CDYL: variants seen among roughly 807,000 people sequenced by gnomAD.
CDYL encodes the protein chromodomain Y-like protein.
In CDYL, 8 loss-of-function variants were observed where a neutral mutation model predicts 47.3. The observed-to-expected ratio is 0.17, with a 90% CI of 0.10 to 0.31. CDYL has a LOEUF of 0.31. CDYL is among the 10% of genes least tolerant of loss of function. CDYL has a pLI of 1.00. For synonymous variants in CDYL, 266 were observed against 265.0 expected, an observed-to-expected ratio of 1.00 and a Z score of -0.04; for missense variants, 471 against 701.4, an observed-to-expected ratio of 0.67 and a Z score of 3.71.
intron 1 of CDYL, among the ~76,000 whole-genome samples, chr6:4,777,685 G>T (rs1278731424): frequency 6.6e-6 from 1 of 152,162 alleles, no homozygotes; most frequent in East Asian, 1.9e-4. Context: ...TCACCTTTAT[G>T]ATGCGTTTAG....
intron 1 of CDYL, among the ~76,000 whole-genome samples, chr6:4,837,430 C>G (rs1042356421): frequency 6.7e-6 from 1 of 150,092 alleles, no homozygotes; most frequent in Non-Finnish European, 1.5e-5. Context: ...CTGTACATTA[C>G]AAAAATTAGT....
chr6:4,769,865 C>T (rs374589004), intron 3 of CDYL, among the ~76,000 whole-genome samples: 4 of 152,118 alleles, frequency 2.6e-5, no homozygotes, highest in South Asian at 2.1e-4. Flanking sequence ...GGCGCGATCT[C>T]GGCTCACTGC....
chr6:4,894,849 GTGTGTGTATA>G (rs1354436035), intron 2 of CDYL, among the ~76,000 whole-genome samples: 3 of 105,024 alleles, frequency 2.9e-5, no homozygotes, highest in African/African-American at 1.3e-4. Context: ...GTGTGTGTGT[GTGTGTGTATA>G]TGTGTATATA....
chr6:4,788,060 C>T (rs889824995), intron 1 of CDYL, among the ~76,000 whole-genome samples: 37 of 152,124 alleles, frequency 2.4e-4, no homozygotes, highest in African/African-American at 8.4e-4. Context: ...GTGTGAGCCA[C>T]CGCACCTGGT....
intron 1 of CDYL, among the ~76,000 whole-genome samples, chr6:4,860,947 T>A (rs808608): frequency 0.13 from 19,505 of 152,062 alleles, 1,505 homozygotes; most frequent in African/African-American, 0.21. Flanking sequence ...CTCAAATGTT[T>A]ATCTGTTTTG....
chr6:4,766,507 G>A (rs1044967557), intron 3 of CDYL, among the ~76,000 whole-genome samples: 14 of 151,910 alleles, frequency 9.2e-5, no homozygotes, highest in South Asian at 4.2e-4. Flanking sequence ...CATGGCGCCC[G>A]GCCCTGAATA....
At position 4,760,938 on chromosome 6, in the gene CDYL, G is replaced by A. The variant is rs548467778; in HGVS notation, c.186+26094G>A. On this transcript the variant is annotated intron_variant, in intron 3 of 8. Coordinates refer to the CDYL transcript ENST00000328908. ...CCCGTAGATAAAGTCTATTGTCCTTGTCCTATTCCTTGTAGTGGAAATTTA... is the reference window on the plus strand; with the variant it reads ...CCCGTAGATAAAGTCTATTGTCCTTATCCTATTCCTTGTAGTGGAAATTTA... Among the ~76,000 whole-genome samples the A allele has an allele frequency of 1.3e-4, 19 of 151,418 alleles. No individual in the cohort carries two copies. In the South Asian group the frequency reaches 3.8e-3, roughly 30 times the overall value.
At chr6:4,927,765 T>C (rs1041548611) in intron 2 of CDYL, among the ~76,000 whole-genome samples, 4 of 152,346 alleles carry the variant, frequency 2.6e-5, no homozygotes, top group African/African-American at 9.6e-5. Context: ...CAGTTATTAG[T>C]GTTTTAATGA....
intron 3 of CDYL, among the ~76,000 whole-genome samples, chr6:4,768,056 C>G (rs1005670708): frequency 6.6e-6 from 1 of 152,180 alleles, no homozygotes; most frequent in African/African-American, 2.4e-5. Context: ...CTTATGTCTC[C>G]CTTCCTGTTG....
At chr6:4,793,497 T>C (rs978207714) in intron 1 of CDYL, among the ~76,000 whole-genome samples, 3 of 152,182 alleles carry the variant, frequency 2.0e-5, no homozygotes, top group Non-Finnish European at 4.4e-5. Flanking sequence ...TTGGGGGTAC[T>C]TGTAGGACTT....
intron 1 of CDYL, among the ~76,000 whole-genome samples, chr6:4,873,366 G>A (rs1027006090): frequency 6.6e-6 from 1 of 152,100 alleles, no homozygotes; most frequent in African/African-American, 2.4e-5. Flanking sequence ...TTTAGCAAAA[G>A]GGGTATATTT....
At chr6:4,710,738 C>T (rs1348376142) in intron 1 of CDYL, among the ~76,000 whole-genome samples, 1 of 152,178 alleles carries the variant, frequency 6.6e-6, no homozygotes, top group Non-Finnish European at 1.5e-5. Flanking sequence ...CCCTTCTCCC[C>T]TCCCCTACTC....
At chr6:4,738,970 T>C (rs1757749971) in intron 3 of CDYL, among the ~76,000 whole-genome samples, 1 of 152,116 alleles carries the variant, frequency 6.6e-6, no homozygotes, top group South Asian at 2.1e-4. Flanking sequence ...AAGCCCAGCC[T>C]GACCAACATG....
chr6:4,850,431 A>G (rs144697714), intron 1 of CDYL, among the ~76,000 whole-genome samples: 132 of 152,334 alleles, frequency 8.7e-4, no homozygotes, highest in African/African-American at 2.9e-3. Flanking sequence ...TTATAATTTT[A>G]ATAGAGCTTG....
intron 1 of CDYL, among the ~76,000 whole-genome samples, chr6:4,712,185 G>T (rs1234965657): frequency 3.9e-5 from 6 of 152,188 alleles, no homozygotes; most frequent in Non-Finnish European, 8.8e-5. Flanking sequence ...AGGCAGAAAA[G>T]AGCACCTCTT....
At chr6:4,853,810 T>C (rs1203369187) in intron 1 of CDYL, among the ~76,000 whole-genome samples, 1 of 152,260 alleles carries the variant, frequency 6.6e-6, no homozygotes, top group African/African-American at 2.4e-5. Flanking sequence ...CCCCAGCTTC[T>C]CCTGCCATGC....
At chr6:4,901,919 G>A (rs898338743) in intron 2 of CDYL, among the ~76,000 whole-genome samples, 16 of 152,128 alleles carry the variant, frequency 1.1e-4, no homozygotes, top group Middle Eastern at 3.4e-3. Flanking sequence ...CATCCTTCCC[G>A]CATGGAAGCA....
chr6:4,947,887 TG>T, intron 5 of CDYL, among the ~76,000 whole-genome samples: 1 of 152,236 alleles, frequency 6.6e-6, no homozygotes, highest in Admixed American at 6.5e-5. Flanking sequence ...GAGCGGTCCA[TG>T]GGGGAGGCCC....
intron 2 of CDYL, among the ~76,000 whole-genome samples, chr6:4,894,301 C>T (rs984291683): frequency 6.6e-6 from 1 of 152,114 alleles, no homozygotes; most frequent in Non-Finnish European, 1.5e-5. Context: ...TAAGCACCTC[C>T]GTCTTCATTG....
Sources: gnomAD v4.1 joint callset for allele counts (sites outside exome capture counted in the v4.1 genomes callset) on GRCh38, gnomAD v4.1.1 for gene constraint, MANE v1.5 for transcripts, NCBI Gene and HGNC (gene_info 2026-07-23, HGNC 2026-07-21) for gene names.